IMMP2L: variants seen among roughly 807,000 people sequenced by gnomAD.
IMMP2L encodes the protein mitochondrial inner membrane protease subunit 2.
IMMP2L carries 18 observed loss-of-function variants against 19.3 expected under a neutral mutation model. That is an observed-to-expected ratio of 0.93 (90% CI 0.64 to 1.38). The LOEUF (loss-of-function observed/expected upper bound fraction) is 1.38. Among genes scored for constraint, IMMP2L ranks in the 40% most tolerant of loss-of-function variants. IMMP2L has a pLI of 0.00. For synonymous variants in IMMP2L, 76 were observed against 73.0 expected (o/e 1.04, Z -0.21); for missense variants, 233 against 218.2 (o/e 1.07, Z -0.43).
chr7:110,899,955 C>T (rs543992234), intron 4 of IMMP2L, among the ~76,000 whole-genome samples: 1 of 152,248 alleles, frequency 6.6e-6, no homozygotes, highest in East Asian at 1.9e-4. Flanking sequence ...AAGAAATATG[C>T]TCAATTATAA....
intron 5 of IMMP2L, among the ~76,000 whole-genome samples, chr7:110,721,798 T>C (rs1584611244): frequency 6.6e-6 from 1 of 152,116 alleles, no homozygotes; most frequent in East Asian, 1.9e-4. Flanking sequence ...CGGAAGGGAC[T>C]GTATGTAGGG....
chr7:111,510,431 T>C (rs1439930379), intron 2 of IMMP2L, among the ~76,000 whole-genome samples: 3 of 152,072 alleles, frequency 2.0e-5, no homozygotes, highest in Non-Finnish European at 4.4e-5. Flanking sequence ...AAAATCAGTA[T>C]AGATATCCTG....
intron 3 of IMMP2L, among the ~76,000 whole-genome samples, chr7:111,398,528 G>A (rs1833098854): frequency 6.6e-6 from 1 of 151,928 alleles, no homozygotes; most frequent in Non-Finnish European, 1.5e-5. Flanking sequence ...ATACTAAATG[G>A]GGAAAAGTTG....
At chr7:110,688,784 T>A (rs1016695887) in intron 5 of IMMP2L, among the ~76,000 whole-genome samples, 1 of 152,030 alleles carries the variant, frequency 6.6e-6, no homozygotes, top group Non-Finnish European at 1.5e-5. Context: ...AATAGTGAAA[T>A]CTTATTTGGG....
At chr7:111,090,892 C>T (rs1038330079) in intron 3 of IMMP2L, 4 of 152,082 alleles carry the variant, frequency 2.6e-5, no homozygotes, top group African/African-American at 7.2e-5. Flanking sequence ...GTCAAAAATT[C>T]CCAACATTCC....
chr7:111,101,389 A>T (rs1462194255), intron 3 of IMMP2L, among the ~76,000 whole-genome samples: 1 of 151,316 alleles, frequency 6.6e-6, no homozygotes, highest in Non-Finnish European at 1.5e-5. Context: ...GTACTACCAA[A>T]CTCACTTGGG....
chr7:111,250,268 TG>T (rs1454099154), intron 3 of IMMP2L, among the ~76,000 whole-genome samples: 1 of 152,016 alleles, frequency 6.6e-6, no homozygotes, highest in East Asian at 1.9e-4. Flanking sequence ...CACAAATAAA[TG>T]GAAAAACATT....
intron 3 of IMMP2L, among the ~76,000 whole-genome samples, chr7:111,313,210 T>C (rs894196916): frequency 1.3e-5 from 2 of 152,114 alleles, no homozygotes; most frequent in African/African-American, 4.8e-5. Context: ...CAGTATCCTC[T>C]TCTGCATGCT....
intron 3 of IMMP2L, among the ~76,000 whole-genome samples, chr7:110,990,604 G>A (rs1822355080): frequency 6.6e-6 from 1 of 152,086 alleles, no homozygotes; most frequent in Non-Finnish European, 1.5e-5. Context: ...TTTGATTTTT[G>A]CCTCAGAAAC....
rs10263280 is a variant in IMMP2L at position 111,085,154 on chromosome 7, T to C, written c.240-121589A>G. Among the ~76,000 whole-genome samples the C allele has an allele frequency of 9.7e-3, 1,469 of 151,312 alleles. 23 individuals carry two copies. The highest frequency in any genetic ancestry group is 0.033 in the African/African-American group (1,363 of 40,736). On this transcript the variant is annotated intron_variant, in intron 3 of 5. Transcript: ENST00000405709. ...GAGACAGAGAAAAAAATTTGTCTCA[T>C]TGATTCCTGACATGTCATCCTTGAT...
chr7:111,445,427 T>C (rs1838243325), intron 3 of IMMP2L, among the ~76,000 whole-genome samples: 1 of 151,484 alleles, frequency 6.6e-6, no homozygotes, highest in Admixed American at 6.6e-5. Context: ...CATACATACA[T>C]ACATACATAC....
At chr7:111,240,748 C>A (rs1326265364) in intron 3 of IMMP2L, among the ~76,000 whole-genome samples, 1 of 151,836 alleles carries the variant, frequency 6.6e-6, no homozygotes, top group African/African-American at 2.4e-5. Context: ...TGGTAGTCTG[C>A]CCAATTACCT....
rs116833784 is a variant in IMMP2L, at chr7:111,342,694, C to T, written c.239+144544G>A. On this transcript the variant is annotated intron_variant, in intron 3 of 5. Transcript: ENST00000405709. ...GATCTTAAAAATGCTATTATAATTA[C>T]GCAAATATAATTATATATAATTTTC... is the stretch of plus-strand genomic sequence containing the variant. Among the ~76,000 whole-genome samples the T allele has an allele frequency of 8.9e-3, 1,355 of 152,036 alleles. 37 individuals are homozygous for T. The highest frequency in any genetic ancestry group is 0.031 in the African/African-American group (1,271 of 41,448).
chr7:111,391,453 G>T (rs1832343060), intron 3 of IMMP2L, among the ~76,000 whole-genome samples: 1 of 152,068 alleles, frequency 6.6e-6, no homozygotes, highest in Non-Finnish European at 1.5e-5. Flanking sequence ...GTGCAGAAAG[G>T]ATTATCGTAT....
chr7:111,393,845 C>T (rs1832621681), intron 3 of IMMP2L, among the ~76,000 whole-genome samples: 2 of 152,110 alleles, frequency 1.3e-5, no homozygotes, highest in African/African-American at 4.8e-5. Flanking sequence ...ATTCTCTGCT[C>T]ACATAAGTGG....
intron 5 of IMMP2L, among the ~76,000 whole-genome samples, chr7:110,808,531 G>T (rs1204718525): frequency 2.0e-5 from 3 of 152,066 alleles, no homozygotes; most frequent in Non-Finnish European, 4.4e-5. Flanking sequence ...CAAGATCCAA[G>T]CAACTGTCCA....
At chr7:110,688,144 T>C (rs1481158584) in intron 5 of IMMP2L, among the ~76,000 whole-genome samples, 4 of 152,086 alleles carry the variant, frequency 2.6e-5, no homozygotes, top group Non-Finnish European at 5.9e-5. Context: ...TCCTCTATCA[T>C]GAGCCACTCC....
At chr7:110,813,354 G>T (rs569441349) in intron 5 of IMMP2L, among the ~76,000 whole-genome samples, 1 of 151,470 alleles carries the variant, frequency 6.6e-6, no homozygotes, top group South Asian at 2.1e-4. Context: ...ATTACTTCAG[G>T]TCTGTTTTGG....
chr7:110,680,886 T>C (rs113769475), intron 5 of IMMP2L, among the ~76,000 whole-genome samples: 4,159 of 152,176 alleles, frequency 0.027, 70 homozygotes, highest in South Asian at 0.065. Flanking sequence ...CCAGAAAGTG[T>C]CCAGAAACAC....
Sources: gnomAD v4.1 joint callset for allele counts (sites outside exome capture counted in the v4.1 genomes callset) on GRCh38, gnomAD v4.1.1 for gene constraint, MANE v1.5 for transcripts, NCBI Gene and HGNC (gene_info 2026-07-23, HGNC 2026-07-21) for gene names.